The following DEFA1 variants were observed in gnomAD, a reference collection of about 807,000 sequenced individuals.
The protein encoded by DEFA1 is defensin alpha 1, also known as neutrophil defensin 1.
intron 1 of DEFA1, 122 bp downstream of exon 1, chr8:6,979,891 C>T (rs1424851697): frequency 4.8e-3 from 409 of 85,928 alleles, no homozygotes; most frequent in African/African-American, 0.018. Context: ...TCCGGACAGA[C>T]GTTCCTAGCA....
chr8:6,979,768 A>G (rs149807494), intron 1 of DEFA1, among the ~76,000 whole-genome samples: 7,469 of 137,926 alleles, frequency 0.054, 37 homozygotes, highest in East Asian at 0.096. Context: ...GACCTGTGAT[A>G]GTCTCTACTG....
At chr8:6,979,798 G>A (rs1400619450) in intron 1 of DEFA1, among the ~76,000 whole-genome samples, 1 of 141,106 alleles carries the variant, frequency 7.1e-6, no homozygotes, top group Non-Finnish European at 1.5e-5. Context: ...ACCAGGACAT[G>A]TGACATGTGT....
In DEFA1 at chr8:6,979,836, C is replaced by G. The variant is rs1277747543; in HGVS notation, c.-13+177G>C. ...TTAGAAGGAAACTGCTTGAGTTTCTCTATTAAGTTAGCTGGAAGCCATCGT... is the reference window on the plus strand; with the variant it reads ...TTAGAAGGAAACTGCTTGAGTTTCTGTATTAAGTTAGCTGGAAGCCATCGT... On this transcript the variant is annotated intron_variant, in intron 1 of 2. Coordinates refer to ENST00000382692, the MANE Select transcript of DEFA1 (RefSeq NM_004084.4). Among the ~76,000 whole-genome samples the G allele has an allele frequency of 3.5e-3, 481 of 137,136 alleles. 26 individuals carry two copies. Among genetic ancestry groups the G allele is most frequent in the East Asian group, 9.8e-3 (41 of 4,188 alleles). 90.0% of individuals were successfully genotyped at this position (137,136 alleles called of 152,430 possible).
intron 1 of DEFA1, among the ~76,000 whole-genome samples, chr8:6,979,783 T>G (rs1379683553): frequency 7.1e-6 from 1 of 140,962 alleles, no homozygotes. Context: ...CTACTGGACA[T>G]GTCAACCAGG....
chr8:6,979,755 A>G (rs545676430), intron 1 of DEFA1, among the ~76,000 whole-genome samples: 62 of 138,614 alleles, frequency 4.5e-4, no homozygotes, highest in African/African-American at 1.5e-3. Flanking sequence ...AGAATGTTCC[A>G]AAGACCTGTG....
chr8:6,979,802 CAT>C (rs1308725304), intron 1 of DEFA1, among the ~76,000 whole-genome samples: 1 of 141,242 alleles, frequency 7.1e-6, no homozygotes, highest in African/African-American at 2.6e-5. Flanking sequence ...GGACATGTGA[CAT>C]GTGTGTTTAG....
chr8:6,979,824 G>T (rs1359539282), intron 1 of DEFA1, among the ~76,000 whole-genome samples, 189 bp downstream of exon 1: 1 of 139,152 alleles, frequency 7.2e-6, no homozygotes, highest in Non-Finnish European at 1.6e-5. Context: ...GAAGGAAACT[G>T]CTTGAGTTTC....
At chr8:6,979,860 G>A (rs1451166687) in intron 1 of DEFA1, among the ~76,000 whole-genome samples, 153 bp downstream of exon 1, 35 of 126,862 alleles carry the variant, frequency 2.8e-4, no homozygotes, top group African/African-American at 5.3e-4. Context: ...GGAAGCCATC[G>A]TCCCCAGCAG....
At chr8:6,979,722 G>A (rs1273862165) in intron 1 of DEFA1, among the ~76,000 whole-genome samples, 5 of 127,912 alleles carry the variant, frequency 3.9e-5, no homozygotes, top group African/African-American at 1.2e-4. Flanking sequence ...ACAGACCAAG[G>A]ACCTAAATAG....
intron 1 of DEFA1, among the ~76,000 whole-genome samples, chr8:6,979,659 A>T (rs1376917766): frequency 5.1e-4 from 32 of 63,052 alleles, no homozygotes; most frequent in African/African-American, 1.7e-3. Context: ...ATATCTGAAT[A>T]CATAAGGAAT....
rs1810322513 is a variant in DEFA1, at chr8:6,979,714, A to G, written c.-13+299T>C. ...AAATCAAACAACCTGATTGAAAAAC[A>G]GACCAAGGACCTAAATAGGTTTCTC... On this transcript the variant is annotated intron_variant, in intron 1 of 2. Transcript: ENST00000382692. 2.4e-5 allele frequency among the ~76,000 whole-genome samples: 3 copies of G among 125,032 alleles called. No homozygotes were observed. The South Asian group carries it at 8.4e-4, about 35-fold the overall frequency. 82.0% of individuals were successfully genotyped at this position (125,032 alleles called of 152,430 possible).
rs1211372166 is a variant in DEFA1 at position 6,979,503 on chromosome 8, C to T, written c.-13+510G>A. 2.9e-4 allele frequency among the ~76,000 whole-genome samples: 11 copies of T among 38,328 alleles called. No individual in the cohort carries two copies. The East Asian group carries it at 0.011, about 40-fold the overall frequency. The allele number at this position is 38,328 out of a possible 152,430, so 25.1% of individuals were successfully genotyped here. A position where few individuals can be genotyped will look rare whatever the true frequency, so the allele number is the denominator to read the frequency against. On this transcript the variant is annotated intron_variant, in intron 1 of 2. Coordinates refer to ENST00000382692, the MANE Select transcript of DEFA1 (RefSeq NM_004084.4). ...GATTTCTTGGCTATGACACCAAAGG[C>T]ACAGGCAATAAAAGGGAAAATAGAC... is the stretch of plus-strand genomic sequence containing the variant.
intron 1 of DEFA1, among the ~76,000 whole-genome samples, chr8:6,979,424 T>G (rs1278114872): frequency 3.1e-3 from 42 of 13,626 alleles, no homozygotes; most frequent in African/African-American, 0.013. Flanking sequence ...ACTGAAACCA[T>G]AAACTACTAG....
chr8:6,979,807 G>A (rs1416489550), intron 1 of DEFA1, among the ~76,000 whole-genome samples: 1 of 141,322 alleles, frequency 7.1e-6, no homozygotes, highest in South Asian at 2.4e-4. Flanking sequence ...TGTGACATGT[G>A]TGTTTAGAAG....
chr8:6,979,899 G>A (rs1370030906), intron 1 of DEFA1, 114 bp downstream of exon 1: 1 of 57,702 alleles, frequency 1.7e-5, no homozygotes, highest in African/African-American at 6.9e-5. Flanking sequence ...GACGTTCCTA[G>A]CAGGGATTCG....
Position 6,979,761 on chromosome 8 carries a change from C to T in DEFA1, c.-13+252G>A, listed in dbSNP as rs1239695883. On this transcript the variant is annotated intron_variant, in intron 1 of 2. Coordinates refer to ENST00000382692, the MANE Select transcript of DEFA1 (RefSeq NM_004084.4). ...TCTCTCAAAAGAATGTTCCAAAGAC[C>T]TGTGATAGTCTCTACTGGACATGTC... 2.9e-5 allele frequency among the ~76,000 whole-genome samples: 4 copies of T among 139,198 alleles called. 1 individual carries two copies. The highest frequency in any genetic ancestry group is 1.1e-4 in the African/African-American group (4 of 37,608). 91.3% of individuals were successfully genotyped at this position (139,198 alleles called of 152,430 possible).
chr8:6,979,795 C>A (rs1445813701), intron 1 of DEFA1, among the ~76,000 whole-genome samples: 1 of 141,060 alleles, frequency 7.1e-6, no homozygotes, highest in African/African-American at 2.6e-5. Context: ...TCAACCAGGA[C>A]ATGTGACATG....
chr8:6,979,882 C>T, intron 1 of DEFA1, 131 bp downstream of exon 1: 1 of 104,182 alleles, frequency 9.6e-6, no homozygotes, highest in Non-Finnish European at 2.0e-5. Context: ...CACCAGAGGT[C>T]CGGACAGACG....
Position 6,980,000 on chromosome 8 carries a change from T to G in DEFA1, c.-13+13A>C, listed in dbSNP as rs1585066015. 3.3e-5 allele frequency: 2 copies of G among 59,734 alleles called. No homozygotes were observed. Among genetic ancestry groups the G allele is most frequent in the East Asian group, 1.4e-3 (2 of 1,432 alleles). The allele number at this position is 59,734 out of a possible 1,614,324, so 3.7% of individuals were successfully genotyped here. On this transcript the variant is annotated intron_variant, in intron 1 of 2. Transcript: ENST00000382692. The stretch of plus-strand genomic sequence containing the variant: ...GAAAACTCAGTGTAAAGTTTAAGTT[T>G]TGTAGTACTTACAGATCCTCTAGCT...
Sources: allele counts gnomAD v4.1 joint callset (sites outside exome capture counted in the v4.1 genomes callset), GRCh38; gene constraint gnomAD v4.1.1; transcripts MANE v1.5; gene names NCBI Gene and HGNC (gene_info 2026-07-23, HGNC 2026-07-21).